The following PFKFB3 variants were observed in gnomAD, a reference collection of about 807,000 sequenced individuals.
PFKFB3 encodes the protein 6-phosphofructo-2-kinase/fructose-2,6-biphosphatase 3.
A neutral mutation model predicts 68.0 loss-of-function variants in PFKFB3; 33 were observed. The ratio of observed to expected loss-of-function variants is 0.49; its 90% CI spans 0.37 to 0.65. The LOEUF (loss-of-function observed/expected upper bound fraction) is 0.65, where lower values mean the gene tolerates loss of function less well. Among genes scored for constraint, PFKFB3 ranks in the 30% least tolerant of loss-of-function variants. The pLI, the probability that PFKFB3 is intolerant of heterozygous loss-of-function variation, is 0.00. For missense variants in PFKFB3, 586 were observed against 712.2 expected, an observed-to-expected ratio of 0.82 and a Z score of 2.02; for synonymous variants, 315 against 288.2, an observed-to-expected ratio of 1.09 and a Z score of -0.94.
At chr10:6,267,527 G>T in the PFKFB3 span, among the ~76,000 whole-genome samples, 1 of 152,118 alleles carries the variant, frequency 6.6e-6, no homozygotes, top group African/African-American at 2.4e-5. Flanking sequence ...CAGAAAGTGC[G>T]GTGTCTCGGG....
In PFKFB3 at chr10:6,185,489, C is replaced by T. The variant is rs1051312941; in HGVS notation, c.17-28134C>T. On this transcript the variant is annotated intron_variant, in intron 1 of 14. Coordinates refer to the PFKFB3 transcript ENST00000379789. Reference sequence around the variant, plus strand: ...CGGGGGCGAGGAGACGGCAGAGGGACGCCAGGGTCTCCCATCGGCTCACCT... The same window carrying T: ...CGGGGGCGAGGAGACGGCAGAGGGATGCCAGGGTCTCCCATCGGCTCACCT... 1.2e-4 allele frequency among the ~76,000 whole-genome samples: 19 copies of T among 152,288 alleles called. No individual in the cohort carries two copies. The East Asian group carries it at 1.5e-3, about 12-fold the overall frequency.
the PFKFB3 span, among the ~76,000 whole-genome samples, chr10:6,281,166 C>CTCATATAT: frequency 0.022 from 1,844 of 83,892 alleles, 511 homozygotes; most frequent in Non-Finnish European, 0.039. Context: ...AGTATTCCAT[C>CTCATATAT]ATATATATAT....
At chr10:6,205,779 A>ATTATTTATTTATTTATTTATTTAT (rs57825789) in intron 1 of PFKFB3, among the ~76,000 whole-genome samples, 2 of 146,176 alleles carry the variant, frequency 1.4e-5, no homozygotes, top group African/African-American at 5.0e-5. Flanking sequence ...CCTGAGGTTT[A>ATTATTTATTTATTTATTTATTTAT]TTATTTATTT....
chr10:6,289,073 T>A, the PFKFB3 span, among the ~76,000 whole-genome samples: 1 of 151,036 alleles, frequency 6.6e-6, no homozygotes. Flanking sequence ...CTCGTAAATT[T>A]GTTTGAGTTC....
intron 10 of PFKFB3, among the ~76,000 whole-genome samples, chr10:6,222,324 T>G (rs964273403): frequency 6.6e-6 from 1 of 152,190 alleles, no homozygotes; most frequent in Non-Finnish European, 1.5e-5. Context: ...CCCTCCTGCT[T>G]CTTTTTACAT....
At chr10:6,239,194 A>C (rs536913561), downstream of PFKFB3, among the ~76,000 whole-genome samples, 2 of 152,330 alleles carry the variant, frequency 1.3e-5, no homozygotes, top group African/African-American at 4.8e-5. Flanking sequence ...CCTGGCACAG[A>C]GAGAGCACCG....
At chr10:6,245,475 G>C (rs1846235973) in intron 14 of PFKFB3, among the ~76,000 whole-genome samples, 1 of 151,768 alleles carries the variant, frequency 6.6e-6, no homozygotes, top group South Asian at 2.1e-4. Flanking sequence ...GGAGTGCAGT[G>C]GTGCGATCAG....
At chr10:6,299,655 G>C in the PFKFB3 span, among the ~76,000 whole-genome samples, 1 of 152,192 alleles carries the variant, frequency 6.6e-6, no homozygotes. Context: ...GGAATTGCTT[G>C]ACCTTGACTT....
Position 6,145,242 on chromosome 10 carries a change from T to C in PFKFB3, c.16+229T>C, listed in dbSNP as rs1417846402. ...AGATCCGCACTGTCTCCTCCGGTCC[T>C]GCGTGTCCCCTCCGGCCCCACGCGT... On this transcript the variant is annotated intron_variant, in intron 1 of 14. Coordinates refer to the PFKFB3 transcript ENST00000379789. 7.3e-5 allele frequency among the ~76,000 whole-genome samples: 11 copies of C among 151,678 alleles called. No homozygotes were observed. In the South Asian group the frequency reaches 1.3e-3, roughly 17 times the overall value.
the PFKFB3 span, among the ~76,000 whole-genome samples, chr10:6,289,636 C>T: frequency 3.9e-4 from 60 of 151,986 alleles, no homozygotes; most frequent in Admixed American, 2.4e-3. Flanking sequence ...AGTCAGGTAG[C>T]GTGATGCCTC....
chr10:6,273,048 C>T, the PFKFB3 span, among the ~76,000 whole-genome samples: 1 of 142,646 alleles, frequency 7.0e-6, no homozygotes, highest in Non-Finnish European at 1.5e-5. Flanking sequence ...ACTCTGTTGC[C>T]CAGGCTGGAG....
At chr10:6,312,205 G>A in the PFKFB3 span, among the ~76,000 whole-genome samples, 1 of 152,320 alleles carries the variant, frequency 6.6e-6, no homozygotes, top group East Asian at 1.9e-4. Flanking sequence ...CTTCTGTGTG[G>A]AGGGCTGGAA....
At chr10:6,311,511 A>G in the PFKFB3 span, among the ~76,000 whole-genome samples, 1 of 149,764 alleles carries the variant, frequency 6.7e-6, no homozygotes, top group Non-Finnish European at 1.5e-5. Flanking sequence ...CACTCTGGGA[A>G]GCTGGGGCAG....
the PFKFB3 span, among the ~76,000 whole-genome samples, chr10:6,280,034 C>T: frequency 6.6e-6 from 1 of 152,176 alleles, no homozygotes; most frequent in Admixed American, 6.5e-5. Flanking sequence ...TCCACGCTGT[C>T]CGTGTCACAC....
chr10:6,239,019 G>T (rs375317610), downstream of PFKFB3, among the ~76,000 whole-genome samples: 4 of 152,256 alleles, frequency 2.6e-5, no homozygotes, highest in African/African-American at 9.6e-5. Context: ...GAGTAGTGCT[G>T]CAATGAACAT....
intron 14 of PFKFB3, chr10:6,231,229 C>G (rs567517435): frequency 1.5e-6 from 2 of 1,323,600 alleles, no homozygotes; most frequent in Non-Finnish European, 2.2e-6. Flanking sequence ...CCTTTTCCAA[C>G]CTGTTTCTTC....
At chr10:6,293,059 C>T in the PFKFB3 span, 15 of 376,434 alleles carry the variant, frequency 4.0e-5, no homozygotes, top group East Asian at 3.7e-4. Flanking sequence ...AAGAAGGAAA[C>T]GGAGACGTTC....
At chr10:6,212,848 ACT>A (rs1404524577) in intron 1 of PFKFB3, among the ~76,000 whole-genome samples, 1 of 151,570 alleles carries the variant, frequency 6.6e-6, no homozygotes, top group South Asian at 2.1e-4. Context: ...TTTTTTAGAA[ACT>A]CTGCCCATAC....
At chr10:6,202,921 C>CG, upstream of PFKFB3, 1 of 1,188,412 alleles carries the variant, frequency 8.4e-7, no homozygotes, top group Non-Finnish European at 1.0e-6. Flanking sequence ...CGGCGGTGCG[C>CG]GGGGCATCCC....
Sources: gnomAD v4.1 joint callset for allele counts (sites outside exome capture counted in the v4.1 genomes callset) on GRCh38, gnomAD v4.1.1 for gene constraint, MANE v1.5 for transcripts, NCBI Gene and HGNC (gene_info 2026-07-23, HGNC 2026-07-21) for gene names.